The following TMTC2 variants were observed in gnomAD, a reference collection of about 807,000 sequenced individuals.
TMTC2 encodes protein O-mannosyl-transferase TMTC2.
A neutral mutation model predicts 82.4 loss-of-function variants in TMTC2; 43 were observed. The ratio of observed to expected loss-of-function variants is 0.52; its 90% confidence interval spans 0.41 to 0.67. The LOEUF is 0.67. TMTC2 is among the 30% of genes least tolerant of loss of function. The pLI, the probability that TMTC2 is intolerant of heterozygous loss-of-function variation, is 0.00. For missense variants in TMTC2, 919 were observed against 1,012.4 expected, an observed-to-expected ratio of 0.91 and a Z score of 1.25; for synonymous variants, 408 against 381.9, an observed-to-expected ratio of 1.07 and a Z score of -0.80.
chr12:82,806,339 T>TA (rs1879240273), intron 1 of TMTC2, among the ~76,000 whole-genome samples: 1 of 152,184 alleles, frequency 6.6e-6, no homozygotes. Flanking sequence ...TTATGACTGA[T>TA]ACTCCATGGC....
chr12:83,120,692 C>T (rs1336686297), intron 11 of TMTC2, among the ~76,000 whole-genome samples: 1 of 152,102 alleles, frequency 6.6e-6, no homozygotes, highest in African/African-American at 2.4e-5. Flanking sequence ...ATTTGGTTGT[C>T]TAGGGTCTCT....
intron 9 of TMTC2, among the ~76,000 whole-genome samples, chr12:83,046,965 A>G (rs2137450306): frequency 6.6e-6 from 1 of 152,340 alleles, no homozygotes; most frequent in Admixed American, 6.5e-5. Flanking sequence ...AGCAATCCTA[A>G]CATTGTTGGA....
At position 82,915,953 on chromosome 12, in the gene TMTC2, G is replaced by T. The variant is rs142558976; in HGVS notation, c.1484-14478G>T. Among the ~76,000 whole-genome samples the T allele has an allele frequency of 2.8e-3, 429 of 152,274 alleles. 1 individual carries two copies. Among genetic ancestry groups the T allele is most frequent in the African/African-American group, 0.01 (419 of 41,550 alleles). On this transcript the variant is annotated intron_variant, in intron 3 of 11. Coordinates refer to ENST00000321196, the MANE Select transcript of TMTC2 (RefSeq NM_152588.3). Reference sequence around the variant, plus strand: ...CAACGTCTGTCATCCCTGCTCTTTGGGAGGCCAAGGCAGGAGGATTGTTTG... The same window carrying T: ...CAACGTCTGTCATCCCTGCTCTTTGTGAGGCCAAGGCAGGAGGATTGTTTG...
At chr12:83,127,641 A>G (rs1471499657) in intron 11 of TMTC2, among the ~76,000 whole-genome samples, 2 of 152,042 alleles carry the variant, frequency 1.3e-5, no homozygotes, top group East Asian at 1.9e-4. Flanking sequence ...CTTTTCTGTT[A>G]TTTTCTTTCC....
chr12:82,858,755 T>A (rs1871385638), intron 2 of TMTC2, among the ~76,000 whole-genome samples: 1 of 152,164 alleles, frequency 6.6e-6, no homozygotes, highest in Admixed American at 6.5e-5. Flanking sequence ...AGTTCTTTTG[T>A]GATTTCAATT....
chr12:82,901,459 C>T (rs533061375), intron 3 of TMTC2, among the ~76,000 whole-genome samples: 4 of 151,390 alleles, frequency 2.6e-5, no homozygotes, highest in Admixed American at 2.0e-4. Context: ...CATGCACCAC[C>T]AAGCCCAGCT....
At chr12:82,982,032 T>C (rs1473225010) in intron 7 of TMTC2, among the ~76,000 whole-genome samples, 1 of 151,120 alleles carries the variant, frequency 6.6e-6, no homozygotes, top group East Asian at 1.9e-4. Flanking sequence ...AAATCTTGAG[T>C]GAGTTTGTTA....
intron 8 of TMTC2, among the ~76,000 whole-genome samples, chr12:83,025,138 G>T (rs1313810522): frequency 6.6e-6 from 1 of 152,084 alleles, no homozygotes; most frequent in Non-Finnish European, 1.5e-5. Flanking sequence ...GTTGCAGTAA[G>T]CTGAGATTGC....
In TMTC2 at chr12:82,960,214, A is replaced by G. The variant is rs372784007; in HGVS notation, c.1599-4810A>G. 3.5e-4 allele frequency among the ~76,000 whole-genome samples: 53 copies of G among 151,890 alleles called. 1 individual carries two copies. Among genetic ancestry groups the G allele is most frequent in the East Asian group, 2.9e-3 (15 of 5,166 alleles). On this transcript the variant is annotated intron_variant, in intron 4 of 11. Coordinates refer to ENST00000321196, the MANE Select transcript of TMTC2 (RefSeq NM_152588.3). ...AAGAAAAGGGAATACTTATAAAAAC[A>G]GTGTGGAGATTTCTCGAAGAACTTA...
intron 11 of TMTC2, among the ~76,000 whole-genome samples, chr12:83,080,388 T>A (rs1289555180): frequency 6.6e-6 from 1 of 151,770 alleles, no homozygotes; most frequent in African/African-American, 2.4e-5. Context: ...TCTCTCTCTG[T>A]GTGTGTGTGT....
intron 1 of TMTC2, among the ~76,000 whole-genome samples, chr12:82,696,829 T>C (rs182916361): frequency 1.1e-4 from 16 of 152,192 alleles, no homozygotes; most frequent in Admixed American, 2.0e-4. Context: ...TGCTTTCATA[T>C]GGACAATTGA....
At chr12:82,864,595 G>A (rs763668362) in intron 2 of TMTC2, among the ~76,000 whole-genome samples, 20 of 144,056 alleles carry the variant, frequency 1.4e-4, no homozygotes, top group Non-Finnish European at 2.7e-4. Flanking sequence ...TCCGCCTCCC[G>A]GGTTCCAGCG....
intron 1 of TMTC2, among the ~76,000 whole-genome samples, chr12:82,837,550 A>G (rs568615243): frequency 6.6e-6 from 1 of 152,350 alleles, no homozygotes; most frequent in African/African-American, 2.4e-5. Context: ...GAAAAATTAC[A>G]AAGATTAATT....
chr12:82,898,458 A>G (rs544496281), intron 3 of TMTC2, among the ~76,000 whole-genome samples: 1 of 152,340 alleles, frequency 6.6e-6, no homozygotes, highest in East Asian at 1.9e-4. Flanking sequence ...ATTAAGTTTC[A>G]GGCTAAGCTG....
At chr12:83,095,487 G>A (rs905957065) in intron 11 of TMTC2, among the ~76,000 whole-genome samples, 5 of 152,092 alleles carry the variant, frequency 3.3e-5, no homozygotes, top group Middle Eastern at 3.4e-3. Context: ...TGATCCACCC[G>A]CCTCGGCCTC....
At chr12:82,831,027 A>C (rs1456328611) in intron 1 of TMTC2, among the ~76,000 whole-genome samples, 1 of 152,206 alleles carries the variant, frequency 6.6e-6, no homozygotes, top group African/African-American at 2.4e-5. Context: ...ATTCTGTCTC[A>C]CTTCTAAAAG....
chr12:82,993,282 C>G (rs114505048), intron 8 of TMTC2, among the ~76,000 whole-genome samples: 2,108 of 152,194 alleles, frequency 0.014, 53 homozygotes, highest in African/African-American at 0.047. Context: ...TGCTCCAGGC[C>G]AGCTTTTTAT....
chr12:82,694,688 A>C (rs1352529460), intron 1 of TMTC2, among the ~76,000 whole-genome samples: 1 of 152,182 alleles, frequency 6.6e-6, no homozygotes, highest in East Asian at 1.9e-4. Context: ...GGTATTATCA[A>C]ATAAAATGTT....
At chr12:83,114,704 G>T (rs1362982984) in intron 11 of TMTC2, among the ~76,000 whole-genome samples, 2 of 152,064 alleles carry the variant, frequency 1.3e-5, no homozygotes, top group African/African-American at 4.8e-5. Context: ...TTAGAAAAGT[G>T]ATATACATAG....
Sources: gnomAD v4.1 joint callset for allele counts (sites outside exome capture counted in the v4.1 genomes callset) on GRCh38, gnomAD v4.1.1 for gene constraint, MANE v1.5 for transcripts, NCBI Gene and HGNC (gene_info 2026-07-23, HGNC 2026-07-21) for gene names.